The following ABCB1 variants were observed in gnomAD, a reference collection of about 807,000 sequenced individuals.
ABCB1 encodes ATP binding cassette subfamily B member 1, also known as ATP-dependent translocase ABCB1.
ABCB1 carries 69 observed loss-of-function variants against 142.0 expected under a neutral mutation model. That is an observed-to-expected ratio of 0.49 (90% CI 0.40 to 0.59). The LOEUF is 0.59. Among genes scored for constraint, ABCB1 ranks in the 20% least tolerant of loss-of-function variants. The pLI, the probability that ABCB1 is intolerant of heterozygous loss-of-function variation, is 0.00. For missense variants in ABCB1, 1,326 were observed against 1,554.7 expected (o/e 0.85, Z 2.47); for synonymous variants, 532 against 539.2 (o/e 0.99, Z 0.18).
intron 1 of ABCB1, among the ~76,000 whole-genome samples, chr7:87,649,954 T>G (rs549811538): frequency 6.6e-6 from 1 of 152,324 alleles, no homozygotes; most frequent in South Asian, 2.1e-4. Context: ...TTGTGAGGCC[T>G]TCCCAGCCAT....
chr7:87,661,728 T>A (rs1824736292), intron 1 of ABCB1, among the ~76,000 whole-genome samples: 1 of 152,108 alleles, frequency 6.6e-6, no homozygotes, highest in Non-Finnish European at 1.5e-5. Flanking sequence ...TGCAGCTATC[T>A]CTTCAGTATA....
In ABCB1 at chr7:87,520,851, A is replaced by G. The variant is rs1244089186; in HGVS notation, c.2711T>C (p.Phe904Ser). Residue 904 changes from phenylalanine (F) to serine (S), a missense_variant, in exon 22 of 28, where the codon TTC becomes TCC. Transcript: ENST00000622132. ...CTGAGTCAAAGAAACAACGGTTCGG[A>G]AGTTTTCTATTGCTTCAGTAGCGAT... ...GKIATEAIENFRTVVSLTQEQ... is the reference protein window; with the variant it reads ...GKIATEAIENSRTVVSLTQEQ... 1 of 1,613,810 alleles carries G rather than the reference A, an allele frequency of 6.2e-7. No individual in the cohort carries two copies. The highest frequency in any genetic ancestry group is 8.5e-7 in the Non-Finnish European group (1 of 1,179,876).
chr7:87,673,381 C>T (rs1429072736), intron 1 of ABCB1, among the ~76,000 whole-genome samples: 1 of 152,210 alleles, frequency 6.6e-6, no homozygotes, highest in East Asian at 1.9e-4. Flanking sequence ...TGTCTCTTTA[C>T]ATAATCCCAT....
intron 21 of ABCB1, chr7:87,521,596 G>T: frequency 3.9e-6 from 3 of 760,454 alleles, no homozygotes; most frequent in South Asian, 2.7e-5. Flanking sequence ...GGATTGCGTG[G>T]TAATGAGAGA....
chr7:87,616,327 C>T (rs969802872), intron 1 of ABCB1, among the ~76,000 whole-genome samples: 2 of 152,110 alleles, frequency 1.3e-5, no homozygotes, highest in African/African-American at 4.8e-5. Context: ...TTTCGTCAAA[C>T]CTGAAAGACT....
At chr7:87,570,511 A>AT (rs1247848158) in intron 4 of ABCB1, among the ~76,000 whole-genome samples, 1 of 152,154 alleles carries the variant, frequency 6.6e-6, no homozygotes, top group Non-Finnish European at 1.5e-5. Context: ...GAATTAAAAT[A>AT]TTTTTTGGAA....
chr7:87,685,236 C>G (rs1258857792), intron 1 of ABCB1, among the ~76,000 whole-genome samples: 1 of 152,002 alleles, frequency 6.6e-6, no homozygotes, highest in East Asian at 1.9e-4. Flanking sequence ...CTATAAAAAC[C>G]TTAATAATAT....
chr7:87,711,740 C>T (rs1003446083), intron 1 of ABCB1, among the ~76,000 whole-genome samples: 27 of 152,234 alleles, frequency 1.8e-4, no homozygotes, highest in African/African-American at 6.5e-4. Context: ...TTTCAGATGT[C>T]CCATTGCCAC....
At chr7:87,705,082 C>G (rs1829467587) in intron 1 of ABCB1, among the ~76,000 whole-genome samples, 1 of 152,156 alleles carries the variant, frequency 6.6e-6, no homozygotes, top group African/African-American at 2.4e-5. Context: ...CACTTAGATT[C>G]ATATTGTAGA....
At chr7:87,577,809 C>T (rs1157144255) in intron 4 of ABCB1, among the ~76,000 whole-genome samples, 1 of 152,154 alleles carries the variant, frequency 6.6e-6, no homozygotes, top group Non-Finnish European at 1.5e-5. Flanking sequence ...CTCATATATT[C>T]TGGTTATTAA....
chr7:87,562,233 T>C (rs1817587486), intron 7 of ABCB1, among the ~76,000 whole-genome samples: 1 of 152,216 alleles, frequency 6.6e-6, no homozygotes, highest in African/African-American at 2.4e-5. Context: ...TGAAGGCAAA[T>C]GAACATTGAT....
In ABCB1 at chr7:87,536,559, A is replaced by T; in HGVS notation, c.2398-18T>A. 6.2e-7 allele frequency: 1 copy of T among 1,613,086 alleles called. No homozygotes were observed. The highest frequency in any genetic ancestry group is 1.1e-5 in the South Asian group (1 of 91,056). On this transcript the variant is annotated intron_variant, in intron 19 of 27. Coordinates refer to ENST00000622132, the MANE Select transcript of ABCB1 (RefSeq NM_001348946.2). ...CTCACATCCTGTGGCACAGAAAATG[A>T]TTTTATTACCTTAAAGCTGTTTATG... is the stretch of plus-strand genomic sequence containing the variant.
At chr7:87,630,870 G>A (rs1821146412) in intron 1 of ABCB1, among the ~76,000 whole-genome samples, 1 of 151,962 alleles carries the variant, frequency 6.6e-6, no homozygotes, top group Admixed American at 6.6e-5. Context: ...AAAAGGATTT[G>A]TATTTCAACC....
At chr7:87,548,359 G>A (rs956267271) in intron 14 of ABCB1, among the ~76,000 whole-genome samples, 1 of 150,220 alleles carries the variant, frequency 6.7e-6, no homozygotes, top group African/African-American at 2.5e-5. Flanking sequence ...AGGGAGGGAG[G>A]GAAGGAAGGA....
chr7:87,628,028 G>A (rs1444063350), intron 1 of ABCB1, among the ~76,000 whole-genome samples: 1 of 152,226 alleles, frequency 6.6e-6, no homozygotes, highest in Admixed American at 6.5e-5. Flanking sequence ...GCCCAAGGTC[G>A]GGTGTGGGAG....
intron 1 of ABCB1, among the ~76,000 whole-genome samples, chr7:87,705,551 GA>G (rs780654782): frequency 6.6e-6 from 1 of 152,120 alleles, no homozygotes; most frequent in Non-Finnish European, 1.5e-5. Flanking sequence ...TAAAATATTT[GA>G]GTTGAGGATC....
intron 3 of ABCB1, among the ~76,000 whole-genome samples, chr7:87,595,003 T>C (rs1819138632): frequency 6.6e-6 from 1 of 152,124 alleles, no homozygotes; most frequent in African/African-American, 2.4e-5. Flanking sequence ...CACCTAAATT[T>C]GTACTCTTAG....
At chr7:87,526,696 C>A (rs553209759) in intron 21 of ABCB1, among the ~76,000 whole-genome samples, 1 of 152,130 alleles carries the variant, frequency 6.6e-6, no homozygotes, top group Non-Finnish European at 1.5e-5. Flanking sequence ...CCGTTACTGT[C>A]TAAGTACTTT....
At chr7:87,557,718 A>T (rs1442012600) in intron 8 of ABCB1, among the ~76,000 whole-genome samples, 1 of 152,230 alleles carries the variant, frequency 6.6e-6, no homozygotes, top group Non-Finnish European at 1.5e-5. Context: ...TTAAACTTTC[A>T]GTGAACTAAA....
Sources: gnomAD v4.1 joint callset for allele counts (sites outside exome capture counted in the v4.1 genomes callset) on GRCh38, gnomAD v4.1.1 for gene constraint, MANE v1.5 for transcripts, NCBI Gene and HGNC (gene_info 2026-07-23, HGNC 2026-07-21) for gene names.